GRM7: variants seen among roughly 807,000 people sequenced by gnomAD.
The protein encoded by GRM7 is glutamate metabotropic receptor 7, also known as metabotropic glutamate receptor 7.
In GRM7, 35 loss-of-function variants were observed where a neutral mutation model predicts 84.5. The observed-to-expected ratio is 0.41, with a 90% confidence interval of 0.32 to 0.55. The LOEUF is 0.55. Among genes scored for constraint, GRM7 ranks in the 20% least tolerant of loss-of-function variants. The pLI, the probability that GRM7 is intolerant of heterozygous loss-of-function variation, is 0.19. For missense variants in GRM7, 1,003 were observed against 1,194.6 expected (o/e 0.84, Z 2.36); for synonymous variants, 487 against 455.1 (o/e 1.07, Z -0.89).
At chr3:7,125,575 C>T (rs142304342) in intron 1 of GRM7, among the ~76,000 whole-genome samples, 469 of 152,244 alleles carry the variant, frequency 3.1e-3, no homozygotes, top group Middle Eastern at 0.01. Flanking sequence ...TGAGTTAATC[C>T]GTTCTCACAA....
intron 7 of GRM7, among the ~76,000 whole-genome samples, chr3:7,530,731 A>T (rs969868302): frequency 3.3e-5 from 5 of 150,932 alleles, no homozygotes; most frequent in African/African-American, 1.2e-4. Context: ...TCTTGGCCAC[A>T]TAAATGCCTT....
At chr3:7,383,036 C>T (rs1335908284) in intron 4 of GRM7, among the ~76,000 whole-genome samples, 1 of 152,144 alleles carries the variant, frequency 6.6e-6, no homozygotes, top group Non-Finnish European at 1.5e-5. Context: ...TCTCGTGCTC[C>T]TTAGCGAGTG....
chr3:7,010,381 GA>G (rs1336142472), intron 1 of GRM7, among the ~76,000 whole-genome samples: 1 of 152,210 alleles, frequency 6.6e-6, no homozygotes, highest in African/African-American at 2.4e-5. Flanking sequence ...TTGAACCCGG[GA>G]AGCAGAGGTT....
intron 2 of GRM7, among the ~76,000 whole-genome samples, chr3:7,259,231 G>T (rs1698318718): frequency 6.6e-6 from 1 of 152,140 alleles, no homozygotes; most frequent in African/African-American, 2.4e-5. Flanking sequence ...GCTCAGTTTT[G>T]CCATCTGTAA....
At chr3:7,316,892 A>G (rs1213532789) in intron 4 of GRM7, among the ~76,000 whole-genome samples, 1 of 152,164 alleles carries the variant, frequency 6.6e-6, no homozygotes, top group African/African-American at 2.4e-5. Flanking sequence ...AAAATAGGGG[A>G]CCAAAGGACA....
rs73809073 is a variant in GRM7, at chr3:7,355,908, C to T, written c.1033+49256C>T. On this transcript the variant is annotated intron_variant, in intron 4 of 9. Coordinates refer to ENST00000357716, the MANE Select transcript of GRM7 (RefSeq NM_000844.4). Reference sequence around the variant, plus strand: ...TCAGCTGACAGAGAAAGGGAAGACTCGGTTTCTTGTTTACTTGGGATGGTT... The same window carrying T: ...TCAGCTGACAGAGAAAGGGAAGACTTGGTTTCTTGTTTACTTGGGATGGTT... Among the ~76,000 whole-genome samples, 485 of 152,070 alleles carry T rather than the reference C, an allele frequency of 3.2e-3. 2 individuals carry two copies. The highest frequency in any genetic ancestry group is 0.011 in the African/African-American group (461 of 41,460).
chr3:7,083,593 G>A (rs1282886536), intron 1 of GRM7, among the ~76,000 whole-genome samples: 1 of 152,086 alleles, frequency 6.6e-6, no homozygotes, highest in Non-Finnish European at 1.5e-5. Flanking sequence ...CTGTAGGCCT[G>A]CATTCATTTA....
At chr3:7,631,308 G>C (rs775488844) in intron 8 of GRM7, among the ~76,000 whole-genome samples, 1 of 152,132 alleles carries the variant, frequency 6.6e-6, no homozygotes, top group Non-Finnish European at 1.5e-5. Context: ...TTGGTGCCTC[G>C]GGTAGAAGTA....
At chr3:7,581,282 T>A (rs1039172804) in intron 8 of GRM7, among the ~76,000 whole-genome samples, 2 of 152,152 alleles carry the variant, frequency 1.3e-5, no homozygotes, top group Non-Finnish European at 2.9e-5. Context: ...TAGAGAACAA[T>A]GTATTGGTAG....
chr3:7,466,428 T>C (rs531677035), intron 7 of GRM7, among the ~76,000 whole-genome samples: 3 of 152,300 alleles, frequency 2.0e-5, no homozygotes, highest in Non-Finnish European at 4.4e-5. Flanking sequence ...CAGTAATATT[T>C]AAAAATTAGG....
intron 1 of GRM7, among the ~76,000 whole-genome samples, chr3:7,027,785 C>T (rs960544774): frequency 1.3e-5 from 2 of 152,144 alleles, no homozygotes; most frequent in Non-Finnish European, 2.9e-5. Flanking sequence ...TTTCAACCAT[C>T]GTTCTTTTTC....
At chr3:7,008,218 T>C (rs573497833) in intron 1 of GRM7, among the ~76,000 whole-genome samples, 1 of 152,264 alleles carries the variant, frequency 6.6e-6, no homozygotes, top group South Asian at 2.1e-4. Context: ...GTCTCTGACC[T>C]AGAAGGAGTT....
chr3:7,307,381 C>A (rs1381427924), intron 4 of GRM7, among the ~76,000 whole-genome samples: 5 of 152,128 alleles, frequency 3.3e-5, no homozygotes. Flanking sequence ...TGCTGATAGC[C>A]TGCTTTGTGT....
intron 4 of GRM7, among the ~76,000 whole-genome samples, chr3:7,395,102 G>T (rs894722245): frequency 6.6e-6 from 1 of 151,286 alleles, no homozygotes; most frequent in Non-Finnish European, 1.5e-5. Context: ...TGGAGATTCA[G>T]TTCCCATGTT....
intron 4 of GRM7, among the ~76,000 whole-genome samples, chr3:7,342,953 G>A (rs1692711302): frequency 6.6e-6 from 1 of 152,122 alleles, no homozygotes; most frequent in Admixed American, 6.6e-5. Context: ...ATCCTTGTGA[G>A]GACCCAGTGA....
At chr3:7,293,048 A>AAC (rs1448933789) in intron 2 of GRM7, among the ~76,000 whole-genome samples, 209 of 151,804 alleles carry the variant, frequency 1.4e-3, no homozygotes, top group African/African-American at 4.8e-3. Context: ...AAAAAAAAAA[A>AAC]AAATTGAGCT....
chr3:7,659,344 T>C (rs1277972153), intron 8 of GRM7, among the ~76,000 whole-genome samples: 1 of 152,104 alleles, frequency 6.6e-6, no homozygotes, highest in African/African-American at 2.4e-5. Flanking sequence ...TCTATAGCTA[T>C]GAGAGATGAG....
intron 7 of GRM7, among the ~76,000 whole-genome samples, chr3:7,524,748 A>C (rs1700725081): frequency 1.1e-5 from 1 of 88,306 alleles, no homozygotes; most frequent in Non-Finnish European, 2.1e-5. Flanking sequence ...CATTTGACCC[A>C]GCCATCCCAT....
At chr3:7,533,784 A>G (rs1575463281) in intron 7 of GRM7, among the ~76,000 whole-genome samples, 1 of 152,332 alleles carries the variant, frequency 6.6e-6, no homozygotes, top group East Asian at 1.9e-4. Context: ...AGATAATGCC[A>G]TGGCCTATGT....
Sources: allele counts gnomAD v4.1 joint callset (sites outside exome capture counted in the v4.1 genomes callset), GRCh38; gene constraint gnomAD v4.1.1; transcripts MANE v1.5; gene names NCBI Gene and HGNC (gene_info 2026-07-23, HGNC 2026-07-21).